The following ASTN2 variants were observed in gnomAD, a reference collection of about 807,000 sequenced individuals.
The protein encoded by ASTN2 is astrotactin-2.
ASTN2 carries 54 observed loss-of-function variants against 139.8 expected under a neutral mutation model. That is an observed-to-expected ratio of 0.39 (90% confidence interval 0.31 to 0.48). The LOEUF (loss-of-function observed/expected upper bound fraction) is 0.48, where lower values mean the gene tolerates loss of function less well. Ranked by LOEUF, ASTN2 falls within the 20% of genes least tolerant of loss-of-function variation. ASTN2 has a pLI of 0.95. For missense variants in ASTN2, 1,565 were observed against 1,725.1 expected (o/e 0.91, Z 1.64); for synonymous variants, 756 against 719.5 (o/e 1.05, Z -0.81).
intron 14 of ASTN2, among the ~76,000 whole-genome samples, chr9:116,732,766 G>A (rs551489762): frequency 3.9e-4 from 59 of 152,160 alleles, no homozygotes; most frequent in Non-Finnish European, 7.3e-4. Context: ...AGGGGTGGGG[G>A]AGCGGCAAAG....
chr9:117,396,254 A>G (rs1830672908), intron 1 of ASTN2, among the ~76,000 whole-genome samples: 1 of 152,172 alleles, frequency 6.6e-6, no homozygotes, highest in Non-Finnish European at 1.5e-5. Context: ...TGAAATGTAT[A>G]TATTTCAAAA....
intron 12 of ASTN2, among the ~76,000 whole-genome samples, chr9:116,809,067 A>T (rs1017024256): frequency 1.3e-5 from 2 of 151,716 alleles, no homozygotes; most frequent in African/African-American, 2.4e-5. Context: ...ATATATTAAA[A>T]TTTTTTTCCA....
At chr9:116,625,029 C>T (rs1282242668) in intron 17 of ASTN2, among the ~76,000 whole-genome samples, 1 of 152,146 alleles carries the variant, frequency 6.6e-6, no homozygotes, top group African/African-American at 2.4e-5. Flanking sequence ...AATGTGTGTG[C>T]ATGTTTGTGA....
chr9:116,729,759 C>A (rs1828729292), intron 14 of ASTN2, among the ~76,000 whole-genome samples: 1 of 152,172 alleles, frequency 6.6e-6, no homozygotes, highest in Non-Finnish European at 1.5e-5. Flanking sequence ...CAGAAATAAA[C>A]TCTTTCTATT....
chr9:117,385,299 T>C (rs1052814459), intron 1 of ASTN2, among the ~76,000 whole-genome samples: 4 of 152,254 alleles, frequency 2.6e-5, no homozygotes, highest in South Asian at 2.1e-4. Context: ...CATAAGGGAA[T>C]AGATTATCCC....
At chr9:116,536,011 G>T (rs939030259) in intron 19 of ASTN2, among the ~76,000 whole-genome samples, 6 of 152,102 alleles carry the variant, frequency 3.9e-5, no homozygotes, top group Admixed American at 3.3e-4. Context: ...TGTAGGTTTG[G>T]TCTGTTCACA....
intron 10 of ASTN2, among the ~76,000 whole-genome samples, chr9:116,931,006 C>A (rs1469276001): frequency 6.6e-6 from 1 of 152,036 alleles, no homozygotes; most frequent in East Asian, 1.9e-4. Context: ...GAATCTACAC[C>A]TCCCACCCTC....
chr9:116,615,984 T>C (rs545307692), intron 19 of ASTN2, among the ~76,000 whole-genome samples: 1 of 152,268 alleles, frequency 6.6e-6, no homozygotes, highest in South Asian at 2.1e-4. Context: ...ACTAAATGCC[T>C]GAGATTAGAA....
chr9:116,746,534 T>G (rs546540556), intron 13 of ASTN2, among the ~76,000 whole-genome samples: 1 of 152,216 alleles, frequency 6.6e-6, no homozygotes, highest in South Asian at 2.1e-4. Flanking sequence ...GCAACCCTAT[T>G]CCACCTGCAC....
intron 19 of ASTN2, among the ~76,000 whole-genome samples, chr9:116,615,491 A>T (rs988211097): frequency 1.5e-4 from 23 of 152,172 alleles, no homozygotes; most frequent in Non-Finnish European, 2.8e-4. Flanking sequence ...TCCAACAATG[A>T]TAGACTGGAT....
At chr9:117,374,799 C>G (rs1564172704) in intron 1 of ASTN2, among the ~76,000 whole-genome samples, 1 of 152,116 alleles carries the variant, frequency 6.6e-6, no homozygotes, top group Admixed American at 6.5e-5. Flanking sequence ...GGAGCACCTA[C>G]CAAAGGAAAA....
chr9:117,279,173 G>A (rs978411220), intron 2 of ASTN2, among the ~76,000 whole-genome samples: 11 of 152,082 alleles, frequency 7.2e-5, no homozygotes, highest in African/African-American at 1.9e-4. Context: ...TCATAGTCTC[G>A]TAATTGGATG....
chr9:117,351,580 T>C (rs1829389506), intron 1 of ASTN2, among the ~76,000 whole-genome samples: 1 of 152,140 alleles, frequency 6.6e-6, no homozygotes, highest in Non-Finnish European at 1.5e-5. Flanking sequence ...TCCCTTCAAG[T>C]CTCTACAATT....
intron 16 of ASTN2, among the ~76,000 whole-genome samples, chr9:116,707,285 C>CAAAAAAAAAA (rs766053427): frequency 1.6e-5 from 1 of 60,638 alleles, no homozygotes; most frequent in African/African-American, 6.4e-5. Flanking sequence ...GCCCCCTGAC[C>CAAAAAAAAAA]AAAAAAAAAA....
intron 5 of ASTN2, among the ~76,000 whole-genome samples, chr9:117,064,693 G>A (rs566195443): frequency 2.0e-5 from 3 of 152,150 alleles, no homozygotes; most frequent in Admixed American, 1.3e-4. Context: ...ATTACATGTT[G>A]GGTACAATGC....
At chr9:116,728,918 G>A in intron 15 of ASTN2, 74 bp downstream of exon 15, 2 of 1,246,362 alleles carry the variant, frequency 1.6e-6, no homozygotes, top group Non-Finnish European at 2.3e-6. Context: ...CATATGCCCT[G>A]GCACATGCTA....
chr9:117,141,727 C>A (rs1296036069), intron 3 of ASTN2, among the ~76,000 whole-genome samples: 1 of 152,190 alleles, frequency 6.6e-6, no homozygotes, highest in Non-Finnish European at 1.5e-5. Flanking sequence ...AGGTACTGCT[C>A]TAGGCCCTTG....
At chr9:116,778,377 C>A (rs1830136533) in intron 13 of ASTN2, among the ~76,000 whole-genome samples, 1 of 143,216 alleles carries the variant, frequency 7.0e-6, no homozygotes, top group Non-Finnish European at 1.5e-5. Context: ...TCTTTACTAG[C>A]TTTACAATTA....
At chr9:116,640,765 T>C (rs141657070) in intron 17 of ASTN2, among the ~76,000 whole-genome samples, 2 of 152,372 alleles carry the variant, frequency 1.3e-5, no homozygotes, top group African/African-American at 4.8e-5. Context: ...ACGAAAGTGA[T>C]GTGAGCAAGT....
Sources: gnomAD v4.1 joint callset for allele counts (sites outside exome capture counted in the v4.1 genomes callset) on GRCh38, gnomAD v4.1.1 for gene constraint, MANE v1.5 for transcripts, NCBI Gene and HGNC (gene_info 2026-07-23, HGNC 2026-07-21) for gene names.